Variants in ACOX2 observed in about 807,000 individuals in gnomAD.
ACOX2 encodes the protein peroxisomal acyl-coenzyme A oxidase 2.
In ACOX2, 59 loss-of-function variants were observed where a neutral mutation model predicts 77.5. The observed-to-expected ratio is 0.76, with a 90% CI of 0.62 to 0.95. The LOEUF is 0.95. Ranked by LOEUF, ACOX2 falls within the 40% of genes least tolerant of loss-of-function variation. The pLI is 0.00. For synonymous variants in ACOX2, 317 were observed against 340.1 expected (o/e 0.93, Z 0.75); for missense variants, 837 against 880.4 (o/e 0.95, Z 0.62).
chr3:58,511,672 C>CAAG (rs1194371750), intron 13 of ACOX2: 1 of 151,964 alleles, frequency 6.6e-6, no homozygotes, highest in African/African-American at 2.4e-5. Flanking sequence ...AAGAAAGGTA[C>CAAG]AAGAAAAAAA....
Position 58,526,827 on chromosome 3 carries a change from A to C in ACOX2, c.1156-171T>G. On this transcript the variant is annotated intron_variant, in intron 9 of 14. Coordinates refer to ENST00000302819, the MANE Select transcript of ACOX2 (RefSeq NM_003500.4). The surrounding 1 kb of genome is among the most constrained non-coding windows in gnomAD (Gnocchi z 4.3). ...AGAAGGCGGGTACTCAGCTTATGTGACTCACCCAGAGGCACACAATTAGGC... is the reference window on the plus strand; with the variant it reads ...AGAAGGCGGGTACTCAGCTTATGTGCCTCACCCAGAGGCACACAATTAGGC... 1 of 680,382 alleles carries C rather than the reference A, an allele frequency of 1.5e-6. No homozygotes were observed. The highest frequency in any genetic ancestry group is 2.4e-6 in the Non-Finnish European group (1 of 414,772). The allele number at this position is 680,382 out of a possible 1,614,324, so 42.1% of individuals were successfully genotyped here.
intron 13 of ACOX2, chr3:58,511,082 CTG>C (rs889840844): frequency 6.6e-6 from 3 of 456,342 alleles, no homozygotes; most frequent in African/African-American, 6.0e-5. Flanking sequence ...GTAAGAGAAT[CTG>C]TGTAAGTTCC....
chr3:58,528,272 C>T lies in ACOX2; in HGVS notation c.1155+522G>A, dbSNP rs138504395. 4.6e-5 allele frequency among the ~76,000 whole-genome samples: 7 copies of T among 152,332 alleles called. No individual in the cohort carries two copies. The highest frequency in any genetic ancestry group is 1.7e-4 in the African/African-American group (7 of 41,576). Reference sequence around the variant, plus strand: ...TTACTATATATGTAAGTCCACAATGCTTTACCTGAGACCTGTGAGCCAGAT... The same window carrying T: ...TTACTATATATGTAAGTCCACAATGTTTTACCTGAGACCTGTGAGCCAGAT... On this transcript the variant is annotated intron_variant, in intron 9 of 14. Coordinates refer to ENST00000302819, the MANE Select transcript of ACOX2 (RefSeq NM_003500.4). This position sits in a 1 kb window ranked among gnomAD's most constrained non-coding sequence, Gnocchi z 5.6.
In ACOX2 at chr3:58,531,237, C is replaced by T; in HGVS notation, c.819+14G>A. On this transcript the variant is annotated intron_variant, in intron 7 of 14. Transcript: ENST00000302819. This position sits in a 1 kb window ranked among gnomAD's most constrained non-coding sequence, Gnocchi z 5.8. Reference sequence around the variant, plus strand: ...CCAGGAAGTACAAGTCCCCGGCCTCCCCAGATCTGTAACCTGTGCAAAGCG... The same window carrying T: ...CCAGGAAGTACAAGTCCCCGGCCTCTCCAGATCTGTAACCTGTGCAAAGCG... 4 of 1,608,660 alleles carry T rather than the reference C, an allele frequency of 2.5e-6. No individual in the cohort carries two copies. Among genetic ancestry groups the T allele is most frequent in the Non-Finnish European group, 3.4e-6 (4 of 1,176,996 alleles).
Position 58,534,903 on chromosome 3 carries a change from C to A in ACOX2, c.160+44G>T. On this transcript the variant is annotated intron_variant, in intron 2 of 14. Transcript: ENST00000302819. The surrounding 1 kb of genome is among the most constrained non-coding windows in gnomAD (Gnocchi z 4.8). ...TGAAGGACTCTTCTTACAAGAGAAG[C>A]ATGGGGCATAAAACAGATGTCCCAT... 6.2e-7 allele frequency: 1 copy of A among 1,611,458 alleles called. No individual in the cohort carries two copies. Among genetic ancestry groups the A allele is most frequent in the Non-Finnish European group, 8.5e-7 (1 of 1,177,880 alleles).
rs1199989884 is a variant in ACOX2 at position 58,505,450 on chromosome 3, A to G, written c.1984-164T>C. Among the ~76,000 whole-genome samples, 5 of 152,176 alleles carry G rather than the reference A, an allele frequency of 3.3e-5. No homozygotes were observed. The highest frequency in any genetic ancestry group is 7.3e-5 in the Non-Finnish European group (5 of 68,028). ...ATTTTGTGTGAACATATGGAGAAAC[A>G]TTTTTTCCAAAGGGCATCCTTCCTT... On this transcript the variant is annotated intron_variant, in intron 14 of 14. Transcript: ENST00000302819. This position sits in a 1 kb window ranked among gnomAD's most constrained non-coding sequence, Gnocchi z 4.4.
chr3:58,507,242 G>C (rs1380492159), intron 14 of ACOX2, among the ~76,000 whole-genome samples: 1 of 152,192 alleles, frequency 6.6e-6, no homozygotes, highest in African/African-American at 2.4e-5. Context: ...TAGACGTGGA[G>C]TGTCTACTCT....
At chr3:58,537,001 G>A (rs1403693661) in intron 1 of ACOX2, 118 bp downstream of exon 1, 2 of 152,366 alleles carry the variant, frequency 1.3e-5, no homozygotes, top group African/African-American at 4.8e-5. Flanking sequence ...ATTTGCAGGA[G>A]GTGCCCAGTG....
Position 58,522,056 on chromosome 3 carries a change from C to T in ACOX2, c.1632+440G>A, listed in dbSNP as rs1300729521. Reference sequence around the variant, plus strand: ...TGTCATGGTGCTTCCTTGATTGTAGCCGTGCATGGGCAGTGGCTTCACTGT... The same window carrying T: ...TGTCATGGTGCTTCCTTGATTGTAGTCGTGCATGGGCAGTGGCTTCACTGT... On this transcript the variant is annotated intron_variant, in intron 12 of 14. Transcript: ENST00000302819. The surrounding 1 kb of genome is among the most constrained non-coding windows in gnomAD (Gnocchi z 4.3). Among the ~76,000 whole-genome samples the T allele has an allele frequency of 6.6e-6, 1 of 152,202 alleles. No individual in the cohort carries two copies. Among genetic ancestry groups the T allele is most frequent in the Non-Finnish European group, 1.5e-5 (1 of 68,044 alleles).
chr3:58,526,382 G>A lies in ACOX2; in HGVS notation c.1346+84C>T. 1 of 1,433,274 alleles carries A rather than the reference G, an allele frequency of 7.0e-7. No homozygotes were observed. The highest frequency in any genetic ancestry group is 2.2e-4 in the Middle Eastern group (1 of 4,522). 88.8% of individuals were successfully genotyped at this position (1,433,274 alleles called of 1,614,324 possible). On this transcript the variant is annotated intron_variant, in intron 10 of 14. Coordinates refer to ENST00000302819, the MANE Select transcript of ACOX2 (RefSeq NM_003500.4). The surrounding 1 kb of genome is among the most constrained non-coding windows in gnomAD (Gnocchi z 4.3). ...TTCGCAAAGCCTGCTCTTTTTATGG[G>A]CCTCAGACGGAACCCTCCACCCAAC...
intron 13 of ACOX2, among the ~76,000 whole-genome samples, chr3:58,513,927 G>T (rs2063304550): frequency 6.6e-6 from 1 of 152,148 alleles, no homozygotes; most frequent in South Asian, 2.1e-4. Context: ...CTCCAGAGAA[G>T]GATCATCTTA....
Position 58,508,989 on chromosome 3 carries a change from G to C in ACOX2, c.1887C>G (p.Phe629Leu), listed in dbSNP as rs1434452179. The change falls in exon 14 of 15, where the codon TTC becomes TTG. Residue 629 changes from phenylalanine (F) to leucine (L), a missense_variant. Transcript: ENST00000302819. Reference protein sequence around the residue: ...DAILLTDAFDFTDQCLNSALG... With the variant: ...DAILLTDAFDLTDQCLNSALG... Reference sequence around the variant, plus strand: ...GTGCTGAATTTAAACACTGATCGGTGAAGTCAAAAGCATCAGTTAACAGGA... The same window carrying C: ...GTGCTGAATTTAAACACTGATCGGTCAAGTCAAAAGCATCAGTTAACAGGA... 6.2e-7 allele frequency: 1 copy of C among 1,614,168 alleles called. No homozygotes were observed.
intron 12 of ACOX2, among the ~76,000 whole-genome samples, chr3:58,520,533 CAG>C (rs751527160): frequency 3.9e-5 from 6 of 152,260 alleles, no homozygotes; most frequent in Non-Finnish European, 5.9e-5. Flanking sequence ...TGAGGTCACA[CAG>C]AGCTGGGACC....
At position 58,517,341 on chromosome 3, in the gene ACOX2, A is replaced by G; in HGVS notation, c.1715T>C (p.Leu572Pro). ...LENEPAIQQV[L>P]KRLCDLHAIH... ...GGCATGGAGGTCACAGAGGCGCTTG[A>G]GCACCTGCTGAATCGCTGGTTCATT... The change falls in exon 13 of 15, where the codon CTC becomes CCC. Residue 572 changes from leucine to proline, a missense_variant. Transcript: ENST00000302819. 1.2e-6 allele frequency: 2 copies of G among 1,614,162 alleles called. No homozygotes were observed. Among genetic ancestry groups the G allele is most frequent in the Non-Finnish European group, 1.7e-6 (2 of 1,180,022 alleles).
chr3:58,522,747 C>T lies in ACOX2; in HGVS notation c.1527-146G>A, dbSNP rs1013156196. The T allele has an allele frequency of 9.5e-6, 7 of 736,782 alleles. No individual in the cohort carries two copies. Among genetic ancestry groups the T allele is most frequent in the Non-Finnish European group, 1.3e-5 (6 of 445,392 alleles). 45.6% of individuals were successfully genotyped at this position (736,782 alleles called of 1,614,324 possible). A position where few individuals can be genotyped will look rare whatever the true frequency, so the allele number is the denominator to read the frequency against. ...AAGCTAAATGATTGATATTTATTAT[C>T]TTTTTAACTCTTTTAAGGGCAGGCA... is the stretch of plus-strand genomic sequence containing the variant. On this transcript the variant is annotated intron_variant, in intron 11 of 14. Coordinates refer to ENST00000302819, the MANE Select transcript of ACOX2 (RefSeq NM_003500.4). The surrounding 1 kb of genome is among the most constrained non-coding windows in gnomAD (Gnocchi z 4.3).
chr3:58,517,145 G>T, intron 13 of ACOX2, 61 bp downstream of exon 13: 1 of 1,579,802 alleles, frequency 6.3e-7, no homozygotes, highest in Non-Finnish European at 8.7e-7. Context: ...GAAGTGACCT[G>T]TGAACAAGGG....
rs2063316823 is a variant in ACOX2 at position 58,515,571 on chromosome 3, A to G, written c.1850+1635T>C. ...CTTGGCCTCCCAAAGTGCTGGGATT[A>G]CAGGTGTGAGCCACTGCTCCCAGCC... On this transcript the variant is annotated intron_variant, in intron 13 of 14. Coordinates refer to ENST00000302819, the MANE Select transcript of ACOX2 (RefSeq NM_003500.4). The surrounding 1 kb of genome is among the most constrained non-coding windows in gnomAD (Gnocchi z 4.0). Among the ~76,000 whole-genome samples, 1 of 152,168 alleles carries G rather than the reference A, an allele frequency of 6.6e-6. No individual in the cohort carries two copies.
Position 58,521,209 on chromosome 3 carries a change from C to A in ACOX2, c.1632+1287G>T, listed in dbSNP as rs1268963126. On this transcript the variant is annotated intron_variant, in intron 12 of 14. Transcript: ENST00000302819. The surrounding 1 kb of genome is among the most constrained non-coding windows in gnomAD (Gnocchi z 4.8). ...CAGAACTGAGGGCTGCAGAGGTAAT[C>A]CCATCACGTGTGGTGTGGTGGAGGT... Among the ~76,000 whole-genome samples the A allele has an allele frequency of 6.6e-6, 1 of 152,118 alleles. No individual in the cohort carries two copies. The highest frequency in any genetic ancestry group is 1.5e-5 in the Non-Finnish European group (1 of 68,018).
intron 1 of ACOX2, among the ~76,000 whole-genome samples, chr3:58,536,828 C>G (rs933384685): frequency 6.6e-6 from 1 of 152,206 alleles, no homozygotes; most frequent in African/African-American, 2.4e-5. Flanking sequence ...ACTCTGCTCT[C>G]CTTTTTCTCT....
Sources: gnomAD v4.1 joint callset for allele counts (sites outside exome capture counted in the v4.1 genomes callset) on GRCh38, gnomAD v4.1.1 for gene constraint, Gnocchi (gnomAD v3.1) non-coding constraint, MANE v1.5 for transcripts, NCBI Gene and HGNC (gene_info 2026-07-23, HGNC 2026-07-21) for gene names.